LAMA5: variants seen among roughly 807,000 people sequenced by gnomAD.
LAMA5 encodes the protein laminin subunit alpha 5.
Under a neutral mutation model 433.4 loss-of-function variants are expected in LAMA5, and 260 were observed. The ratio of observed to expected loss-of-function variants is 0.60; its 90% confidence interval spans 0.54 to 0.66. The LOEUF (loss-of-function observed/expected upper bound fraction) is 0.66, where lower values mean the gene tolerates loss of function less well. LAMA5 is among the 30% of genes least tolerant of loss of function. The probability of loss-of-function intolerance (pLI) is 0.00; values close to 1 mark genes in which losing one functional copy is unlikely to be tolerated. For synonymous variants in LAMA5, 2,620 were observed against 2,226.6 expected (o/e 1.18, Z -4.97); for missense variants, 5,378 against 5,258.5 (o/e 1.02, Z -0.70).
In LAMA5 at chr20:62,334,302, G is replaced by T. The variant is rs371962250; in HGVS notation, c.2623C>A (p.Arg875Ser). The change falls in exon 22 of 80, where the codon CGC becomes AGC. Residue 875 changes from arginine (R) to serine (S), a missense_variant. Physicochemically the swap from Arg to Ser is moderately radical, Grantham distance 110. Transcript: ENST00000252999. ...DHYLPDLHHL[R>S]LELEEAATPE... is the part of the protein sequence containing the mutation. ...GTGGCAGCCTCCTCCAGCTCCAGGCGCAGGTGGTGCAGGTCCGGGAGGTAG... is the reference window on the plus strand; with the variant it reads ...GTGGCAGCCTCCTCCAGCTCCAGGCTCAGGTGGTGCAGGTCCGGGAGGTAG... 1.2e-6 allele frequency: 2 copies of T among 1,609,904 alleles called. No homozygotes were observed. The highest frequency in any genetic ancestry group is 1.7e-5 in the Admixed American group (1 of 59,660).
In LAMA5 at chr20:62,337,617, C is replaced by T. The variant is rs372135764; in HGVS notation, c.2137G>A (p.Gly713Ser). ...TGLRCDTCVPGAYNFPYCEAG... is the reference protein window; with the variant it reads ...TGLRCDTCVPSAYNFPYCEAG... ...TCGCAGTAGGGGAAGTTGTAGGCAC[C>T]GGGCACACATGTGTCACACCGCAGC... is the stretch of plus-strand genomic sequence containing the variant. The change falls in exon 16 of 80, where the codon GGT becomes AGT. Residue 713 changes from glycine to serine, a missense_variant. Physicochemically the swap from Gly to Ser is moderately conservative, Grantham distance 56 (BLOSUM62 0). Coordinates refer to ENST00000252999, the MANE Select transcript of LAMA5 (RefSeq NM_005560.6). The T allele has an allele frequency of 1.3e-5, 21 of 1,610,838 alleles. No individual in the cohort carries two copies. The highest frequency in any genetic ancestry group is 4.4e-5 in the South Asian group (4 of 90,872).
intron 19 of LAMA5, 23 bp downstream of exon 19, chr20:62,335,194 C>G: frequency 1.2e-6 from 2 of 1,612,804 alleles, no homozygotes; most frequent in South Asian, 1.1e-5. Flanking sequence ...CCAAATCCCC[C>G]ACACCTTGGT....
intron 58 of LAMA5, 56 bp downstream of exon 58, chr20:62,315,892 T>C (rs1004657387): frequency 1.8e-5 from 24 of 1,351,506 alleles, no homozygotes; most frequent in South Asian, 2.5e-5. Context: ...CCAGCGCCAC[T>C]GTCACAGAGC....
rs114928407 is a variant in LAMA5 at position 62,351,716 on chromosome 20, G to A, written c.944C>T (p.Thr315Met). ...AATGGGGCCTCACCTGAACGGGTCC[G>A]TGGGGTCTTTGGCATCGCAGGCATC... ...HADACDAKDP[T>M]DPFRLQCTCQ... Residue 315 changes from threonine (T) to methionine (M), a missense_variant, in exon 6 of 80, where the codon ACG becomes ATG. Physicochemically the swap from Thr to Met is moderately conservative, Grantham distance 81. Transcript: ENST00000252999. 3.1e-4 allele frequency: 501 copies of A among 1,611,648 alleles called. No individual in the cohort carries two copies. Among genetic ancestry groups the A allele is most frequent in the Middle Eastern group, 1.2e-3 (7 of 6,052 alleles).
rs748184268 is a variant in LAMA5 at position 62,314,574 on chromosome 20, A to G, written c.8348T>C (p.Met2783Thr). 9 of 1,610,360 alleles carry G rather than the reference A, an allele frequency of 5.6e-6. No homozygotes were observed. The highest frequency in any genetic ancestry group is 1.3e-5 in the African/African-American group (1 of 74,838). ...TGGTACCTGGCGGCTGCCCATGTAC[A>G]TCACAAAGCGATCCTCGGTACCCTG... ...PGQGTEDRFV[M>T]YMGSRQATGD... is the part of the protein sequence containing the mutation. Residue 2783 changes from methionine (M) to threonine (T), a missense_variant, in exon 61 of 80, where the codon ATG (methionine) becomes ACG (threonine). Physicochemically the swap from Met to Thr is moderately conservative, Grantham distance 81. Transcript: ENST00000252999.
Position 62,334,257 on chromosome 20 carries a change from G to T in LAMA5, c.2668C>A (p.Arg890Ser), listed in dbSNP as rs761635261. 6.2e-6 allele frequency: 10 copies of T among 1,612,564 alleles called. No individual in the cohort carries two copies. The highest frequency in any genetic ancestry group is 2.7e-5 in the African/African-American group (2 of 74,928). ...EAATPEGHAV[R>S]FGFNPLEFEN... ...AACTCGAGGGGGTTGAAGCCAAAGC[G>T]CACGGCGTGACCCTCAGGTGTGGCA... The change falls in exon 22 of 80, where the codon CGC becomes AGC. Residue 890 changes from arginine (R) to serine (S), a missense_variant. Coordinates refer to ENST00000252999, the MANE Select transcript of LAMA5 (RefSeq NM_005560.6).
intron 50 of LAMA5, among the ~76,000 whole-genome samples, 178 bp downstream of exon 50, chr20:62,320,381 T>C (rs1987549077): frequency 6.7e-6 from 1 of 149,090 alleles, no homozygotes; most frequent in South Asian, 2.1e-4. Flanking sequence ...AACAAATGTA[T>C]TAGGTAGTTT....
At position 62,330,550 on chromosome 20, in the gene LAMA5, T is replaced by C; in HGVS notation, c.3917A>G (p.Tyr1306Cys). The C allele has an allele frequency of 6.3e-7, 1 of 1,587,222 alleles. No homozygotes were observed. The change falls in exon 31 of 80, where the codon TAC becomes TGC. Residue 1306 changes from tyrosine to cysteine, a missense_variant. By Grantham distance (194) the Tyr-to-Cys change is radical (BLOSUM62 -2). Transcript: ENST00000252999. ...LGRYAFLLHG[Y>C]QPAHPTFPVE... ...GGGGAAGGTGGGGTGGGCTGGCTGG[T>C]AGCCGTGCAGCAGGAAGGCATAGCG...
intron 48 of LAMA5, among the ~76,000 whole-genome samples, chr20:62,321,597 GAGGTGGGGTCAGTGA>G (rs1568918459): frequency 3.5e-5 from 3 of 85,172 alleles, no homozygotes; most frequent in Admixed American, 2.4e-4. Context: ...GGGGCCAGTG[GAGGTGGGGTCAGTGA>G]AGGGGTGGGG....
Position 62,311,508 on chromosome 20 carries a change from G to C in LAMA5, c.9835C>G (p.Leu3279Val), listed in dbSNP as rs375922130. 7 of 1,611,304 alleles carry C rather than the reference G, an allele frequency of 4.3e-6. No individual in the cohort carries two copies. Among genetic ancestry groups the C allele is most frequent in the Non-Finnish European group, 5.9e-6 (7 of 1,179,144 alleles). Residue 3279 changes from leucine (L) to valine (V), a missense_variant, in exon 72 of 80, where the codon CTG becomes GTG. Physicochemically the swap from Leu to Val is conservative, Grantham distance 32. Transcript: ENST00000252999. Reference protein sequence around the residue: ...RLLGPQRVFDLQQNLGSVNVS... With the variant: ...RLLGPQRVFDVQQNLGSVNVS... ...TTGACGCTGCCCAGGTTCTGCTGCAGATCAAATACGCGCTGTGGGCCCAGG... is the reference window on the plus strand; with the variant it reads ...TTGACGCTGCCCAGGTTCTGCTGCACATCAAATACGCGCTGTGGGCCCAGG...
Position 62,309,481 on chromosome 20 carries a change from G to A in LAMA5, c.10949-6C>T. The A allele has an allele frequency of 1.9e-6, 3 of 1,571,920 alleles. No individual in the cohort carries two copies. Among genetic ancestry groups the A allele is most frequent in the Non-Finnish European group, 2.6e-6 (3 of 1,167,184 alleles). On this transcript the variant is annotated splice_region_variant and splice_polypyrimidine_tract_variant and intron_variant, in intron 79 of 79. Transcript: ENST00000252999. ...GGGCTGCACGGCCATGGGCTCTGGG[G>A]GCACAGGGAAGATGGAAGAAGGCTG...
rs746100803 is a variant in LAMA5 at position 62,332,728 on chromosome 20, G to T, written c.3283-11C>A. On this transcript the variant is annotated splice_polypyrimidine_tract_variant and intron_variant, in intron 26 of 79. Coordinates refer to ENST00000252999, the MANE Select transcript of LAMA5 (RefSeq NM_005560.6). The stretch of plus-strand genomic sequence containing the variant: ...AAGCTGGACGTCCACCTGCAGGGAA[G>T]GCAGGGTGACGGGAGGCCCGCCACC... The T allele has an allele frequency of 1.9e-6, 3 of 1,609,430 alleles. No homozygotes were observed. In the African/African-American group the frequency reaches 4.0e-5, roughly 22 times the overall value.
At chr20:62,350,626 C>G (rs939987189) in intron 6 of LAMA5, among the ~76,000 whole-genome samples, 1 of 152,158 alleles carries the variant, frequency 6.6e-6, no homozygotes, top group African/African-American at 2.4e-5. Context: ...CGGTTGCAGG[C>G]ACTAGATGAG....
At chr20:62,329,984 A>G in intron 31 of LAMA5, 68 bp from the exon 32 acceptor site, 4 of 1,561,264 alleles carry the variant, frequency 2.6e-6, no homozygotes, top group Non-Finnish European at 3.5e-6. Flanking sequence ...AGAGGGTTGA[A>G]GATGGCAGCG....
chr20:62,324,406 A>G lies in LAMA5; in HGVS notation c.5643+35T>C, dbSNP rs1224710675. 1.3e-6 allele frequency: 2 copies of G among 1,543,054 alleles called. No homozygotes were observed. The highest frequency in any genetic ancestry group is 1.8e-6 in the Non-Finnish European group (2 of 1,123,318). ...GCACACTTGACTGTGCCTTCAGTGA[A>G]TGCTGCCCCCCTGGCCCCACCAGCC... On this transcript the variant is annotated intron_variant, in intron 42 of 79. Transcript: ENST00000252999. The surrounding 1 kb of genome is among the most constrained non-coding windows in gnomAD (Gnocchi z 4.4).
chr20:62,337,774 C>T (rs2078445690), intron 15 of LAMA5, 30 bp downstream of exon 15: 1 of 1,609,470 alleles, frequency 6.2e-7, no homozygotes. Context: ...CTGCACCTGC[C>T]TCCCCACCAC....
In LAMA5 at chr20:62,310,092, A is replaced by G. The variant is rs1986055597; in HGVS notation, c.10735-11T>C. The G allele has an allele frequency of 6.2e-7, 1 of 1,610,854 alleles. No individual in the cohort carries two copies. Among genetic ancestry groups the G allele is most frequent in the Admixed American group, 1.7e-5 (1 of 59,942 alleles). On this transcript the variant is annotated splice_polypyrimidine_tract_variant and intron_variant, in intron 77 of 79. Coordinates refer to ENST00000252999, the MANE Select transcript of LAMA5 (RefSeq NM_005560.6). ...CGCCCGCAGCAGGACCTGGCGGGGT[A>G]GGAAGGGAGGGTCAGGCTATGCCCC...
chr20:62,334,330 G>A lies in LAMA5; in HGVS notation c.2595C>T (p.Asp865=). Reference sequence around the variant, plus strand: ...GGTGGTGCAGGTCCGGGAGGTAGTGGTCCCTCGCAGGCCTGGCCACAGCAG... The same window carrying A: ...GGTGGTGCAGGTCCGGGAGGTAGTGATCCCTCGCAGGCCTGGCCACAGCAG... ...QGPTCSEPAR[D]HYLPDLHHLR... Residue 865 remains aspartate, a synonymous_variant, in exon 22 of 80, where the codon GAC becomes GAT. Coordinates refer to ENST00000252999, the MANE Select transcript of LAMA5 (RefSeq NM_005560.6). 2 of 1,603,652 alleles carry A rather than the reference G, an allele frequency of 1.2e-6. No homozygotes were observed. Among genetic ancestry groups the A allele is most frequent in the Non-Finnish European group, 1.7e-6 (2 of 1,175,790 alleles).
chr20:62,336,920 C>T (rs764055893), intron 16 of LAMA5, 134 bp from the exon 17 acceptor site: 6 of 867,968 alleles, frequency 6.9e-6, no homozygotes, highest in South Asian at 1.4e-5. Flanking sequence ...TCCACATGGA[C>T]GGCCTGAAAA....
Sources: gnomAD v4.1 joint callset for allele counts (sites outside exome capture counted in the v4.1 genomes callset) on GRCh38, gnomAD v4.1.1 for gene constraint, Gnocchi (gnomAD v3.1) non-coding constraint, MANE v1.5 for transcripts, NCBI Gene and HGNC (gene_info 2026-07-23, HGNC 2026-07-21) for gene names.